The following SHROOM3 variants were observed in gnomAD, a reference collection of about 807,000 sequenced individuals.
SHROOM3 encodes the protein protein Shroom3.
In SHROOM3, 47 loss-of-function variants were observed where a neutral mutation model predicts 138.6. The observed-to-expected ratio is 0.34, with a 90% CI of 0.27 to 0.43. The LOEUF (loss-of-function observed/expected upper bound fraction) is 0.43. Ranked by LOEUF, SHROOM3 falls within the 20% of genes least tolerant of loss-of-function variation. SHROOM3 has a pLI of 1.00. For synonymous variants in SHROOM3, 1,062 were observed against 1,063.3 expected (o/e 1.00, Z 0.02); for missense variants, 2,491 against 2,596.5 (o/e 0.96, Z 0.88).
intron 1 of SHROOM3, among the ~76,000 whole-genome samples, chr4:76,474,472 G>A (rs1160811756): frequency 2.0e-5 from 3 of 152,130 alleles, no homozygotes; most frequent in Non-Finnish European, 4.4e-5. Flanking sequence ...AAAATACAAA[G>A]TATGGGATAG....
intron 2 of SHROOM3, among the ~76,000 whole-genome samples, chr4:76,678,754 A>G (rs1056123186): frequency 6.6e-6 from 1 of 152,156 alleles, no homozygotes; most frequent in Non-Finnish European, 1.5e-5. Context: ...TCCGCCTCCC[A>G]GGTTCAAGCA....
intron 2 of SHROOM3, among the ~76,000 whole-genome samples, chr4:76,584,261 T>C (rs573898887): frequency 6.6e-6 from 1 of 151,334 alleles, no homozygotes; most frequent in African/African-American, 2.4e-5. Flanking sequence ...GAGGTTGCAG[T>C]GAGCTGAGAT....
intron 1 of SHROOM3, among the ~76,000 whole-genome samples, chr4:76,460,080 C>T (rs1051881864): frequency 5.3e-5 from 8 of 152,072 alleles, no homozygotes; most frequent in East Asian, 1.9e-4. Flanking sequence ...TGTATGTGAT[C>T]GCTTCTGGAT....
chr4:76,766,589 A>G (rs756127322), intron 9 of SHROOM3, among the ~76,000 whole-genome samples: 32 of 152,212 alleles, frequency 2.1e-4, no homozygotes, highest in Non-Finnish European at 4.0e-4. Flanking sequence ...TGTTATTTAA[A>G]ACAAAACACA....
chr4:76,518,708 GGC>G (rs1200272930), intron 1 of SHROOM3, among the ~76,000 whole-genome samples: 1 of 152,102 alleles, frequency 6.6e-6, no homozygotes, highest in Non-Finnish European at 1.5e-5. Flanking sequence ...ACACATCTGG[GGC>G]CAGGCACCCA....
chr4:76,484,083 G>A (rs79541750), intron 1 of SHROOM3, among the ~76,000 whole-genome samples: 5,679 of 152,102 alleles, frequency 0.037, 118 homozygotes, highest in Middle Eastern at 0.071. Flanking sequence ...CATGGAACAT[G>A]TACATCTATA....
chr4:76,556,342 G>A (rs113537644), intron 2 of SHROOM3, among the ~76,000 whole-genome samples: 2,136 of 152,268 alleles, frequency 0.014, 40 homozygotes, highest in African/African-American at 0.049. Flanking sequence ...TATGGAAAGG[G>A]GATGGGAATT....
intron 1 of SHROOM3, among the ~76,000 whole-genome samples, chr4:76,464,432 C>T (rs888092132): frequency 1.3e-5 from 2 of 151,922 alleles, no homozygotes; most frequent in Admixed American, 1.3e-4. Flanking sequence ...TTTATAGGCT[C>T]ATAGGCAGAA....
At chr4:76,768,534 A>T (rs1722238291) in intron 9 of SHROOM3, among the ~76,000 whole-genome samples, 2 of 151,762 alleles carry the variant, frequency 1.3e-5, no homozygotes, top group Non-Finnish European at 2.9e-5. Flanking sequence ...TTTTTGAGAC[A>T]GAGTCTCATT....
chr4:76,480,641 A>C (rs1194268803), intron 1 of SHROOM3, among the ~76,000 whole-genome samples: 1 of 152,222 alleles, frequency 6.6e-6, no homozygotes, highest in African/African-American at 2.4e-5. Flanking sequence ...GACCTAATAG[A>C]CATCTACAGA....
rs1721178560 is a variant in SHROOM3, at chr4:76,739,495, A to C, written c.1322A>C (p.Glu441Ala). The change falls in exon 5 of 11, where the codon GAG becomes GCG. Residue 441 changes from glutamate to alanine, a missense_variant. Coordinates refer to ENST00000296043, the MANE Select transcript of SHROOM3 (RefSeq NM_020859.4). The part of the protein sequence containing the change: ...QLHTVLEKSP[E>A]NSPPVKPKHN... ...CATACTGTGCTGGAGAAGAGTCCAG[A>C]GAACAGCCCCCCAGTGAAGCCCAAG... 1 of 1,614,048 alleles carries C rather than the reference A, an allele frequency of 6.2e-7. No individual in the cohort carries two copies. The highest frequency in any genetic ancestry group is 8.5e-7 in the Non-Finnish European group (1 of 1,180,000).
rs373261821 is a variant in SHROOM3, at chr4:76,439,191, T to C, written c.168+2971T>C. Reference sequence around the variant, plus strand: ...CACATTCCCTGGCTCATGGTCCCCTTCCTCCATCTTCAAAGTCTGCAACAG... The same window carrying C: ...CACATTCCCTGGCTCATGGTCCCCTCCCTCCATCTTCAAAGTCTGCAACAG... On this transcript the variant is annotated intron_variant, in intron 1 of 10. Transcript: ENST00000296043. Among the ~76,000 whole-genome samples the C allele has an allele frequency of 9.6e-4, 146 of 152,192 alleles. 1 individual carries two copies. Among genetic ancestry groups the C allele is most frequent in the African/African-American group, 3.3e-3 (137 of 41,518 alleles).
intron 2 of SHROOM3, among the ~76,000 whole-genome samples, chr4:76,683,204 T>C (rs962088057): frequency 2.0e-5 from 3 of 152,132 alleles, no homozygotes; most frequent in African/African-American, 7.2e-5. Flanking sequence ...TTCATAATCA[T>C]CTATTATGTG....
intron 2 of SHROOM3, chr4:76,638,884 G>A (rs1203686017): frequency 2.0e-5 from 3 of 152,280 alleles, no homozygotes; most frequent in Middle Eastern, 6.8e-3. Flanking sequence ...CAAGAGAGGT[G>A]ATTTGTTTAC....
Position 76,775,818 on chromosome 4 carries a change from C to T in SHROOM3, c.5623-2991C>T, listed in dbSNP as rs562233548. On this transcript the variant is annotated intron_variant, in intron 10 of 10. Coordinates refer to ENST00000296043, the MANE Select transcript of SHROOM3 (RefSeq NM_020859.4). ...TATATACACACATACTATATATATA[C>T]ACACACACACACACATACATATATA... Among the ~76,000 whole-genome samples, 32 of 147,046 alleles carry T rather than the reference C, an allele frequency of 2.2e-4. No homozygotes were observed. The South Asian group carries it at 4.0e-3, about 19-fold the overall frequency.
intron 2 of SHROOM3, among the ~76,000 whole-genome samples, chr4:76,599,239 T>C (rs1208740214): frequency 6.6e-6 from 1 of 152,126 alleles, no homozygotes; most frequent in East Asian, 1.9e-4. Flanking sequence ...TCACGGTGGT[T>C]AAAGAGTAAG....
chr4:76,488,421 T>C (rs1731782820), intron 1 of SHROOM3, among the ~76,000 whole-genome samples: 1 of 152,214 alleles, frequency 6.6e-6, no homozygotes, highest in Non-Finnish European at 1.5e-5. Context: ...AGTAGGAGGT[T>C]ATAAAGAGTA....
At chr4:76,497,962 T>C (rs1371792692) in intron 1 of SHROOM3, among the ~76,000 whole-genome samples, 4 of 152,218 alleles carry the variant, frequency 2.6e-5, no homozygotes, top group Admixed American at 2.0e-4. Context: ...ATCGAGCCCC[T>C]GGTCAATGTG....
At chr4:76,624,095 C>T (rs913901213) in intron 2 of SHROOM3, among the ~76,000 whole-genome samples, 1 of 152,168 alleles carries the variant, frequency 6.6e-6, no homozygotes, top group Non-Finnish European at 1.5e-5. Flanking sequence ...GAGAAAAGGA[C>T]ATTCCAAAAG....
Sources: allele counts gnomAD v4.1 joint callset (sites outside exome capture counted in the v4.1 genomes callset), GRCh38; gene constraint gnomAD v4.1.1; transcripts MANE v1.5; gene names NCBI Gene and HGNC (gene_info 2026-07-23, HGNC 2026-07-21).